The following DRC11 variants were observed in gnomAD, a reference collection of about 807,000 sequenced individuals.
DRC11 encodes the protein dynein regulatory complex subunit 11.
the DRC11 span, chr2:236,391,411 C>G: frequency 6.5e-6 from 1 of 153,554 alleles, no homozygotes; most frequent in African/African-American, 2.4e-5. This position sits in a 1 kb window ranked among gnomAD's most constrained non-coding sequence, Gnocchi z 4.5. Flanking sequence ...AGGGAGAACT[C>G]TCCGCCCTCT....
At chr2:236,459,520 T>TAC in the DRC11 span, among the ~76,000 whole-genome samples, 571 of 113,936 alleles carry the variant, frequency 5.0e-3, 10 homozygotes, top group African/African-American at 0.018. Flanking sequence ...TACGTATACA[T>TAC]GTATACATGT....
At chr2:236,408,305 A>G in the DRC11 span, 63 of 797,908 alleles carry the variant, frequency 7.9e-5, no homozygotes, top group African/African-American at 8.4e-4. This position sits in a 1 kb window ranked among gnomAD's most constrained non-coding sequence, Gnocchi z 5.5. Context: ...GCAGGATGCC[A>G]TGCCCCAATC....
the DRC11 span, among the ~76,000 whole-genome samples, chr2:236,472,973 C>T: frequency 6.6e-6 from 1 of 152,152 alleles, no homozygotes; most frequent in South Asian, 2.1e-4. This position sits in a 1 kb window ranked among gnomAD's most constrained non-coding sequence, Gnocchi z 4.6. Flanking sequence ...CTGCTTCCTT[C>T]CCAGGACATG....
the DRC11 span, among the ~76,000 whole-genome samples, chr2:236,339,048 A>G: frequency 2.4e-3 from 358 of 152,296 alleles, 2 homozygotes; most frequent in African/African-American, 8.1e-3. Context: ...CAGTGCAGAC[A>G]GCAAAGAGGA....
chr2:236,493,750 TTA>T, the DRC11 span: 20 of 1,566,356 alleles, frequency 1.3e-5, no homozygotes, highest in Non-Finnish European at 1.6e-5. Context: ...TTAATGTTTG[TTA>T]AAATGATATA....
At chr2:236,387,024 G>C in the DRC11 span, among the ~76,000 whole-genome samples, 1 of 151,640 alleles carries the variant, frequency 6.6e-6, no homozygotes, top group East Asian at 1.9e-4. Context: ...TGTGGTCTGA[G>C]AGATAGTTTG....
chr2:236,497,015 G>T, the DRC11 span: 1 of 649,954 alleles, frequency 1.5e-6, no homozygotes, highest in Non-Finnish European at 2.6e-6. This position sits in a 1 kb window ranked among gnomAD's most constrained non-coding sequence, Gnocchi z 5.1. Flanking sequence ...TGACAGCATG[G>T]TGTAATTGAA....
the DRC11 span, among the ~76,000 whole-genome samples, chr2:236,424,747 C>T: frequency 1.3e-5 from 2 of 151,932 alleles, no homozygotes; most frequent in South Asian, 2.1e-4. Flanking sequence ...GACAATACAT[C>T]TCCAGAACTT....
At chr2:236,476,298 T>C in the DRC11 span, among the ~76,000 whole-genome samples, 3 of 152,174 alleles carry the variant, frequency 2.0e-5, no homozygotes, top group African/African-American at 7.2e-5. This position sits in a 1 kb window ranked among gnomAD's most constrained non-coding sequence, Gnocchi z 4.7. Flanking sequence ...GTTTAAATTA[T>C]TCCTAGGTGT....
chr2:236,465,389 A>T, the DRC11 span: 1 of 868,716 alleles, frequency 1.2e-6, no homozygotes, highest in South Asian at 1.7e-5. The surrounding 1 kb of genome is among the most constrained non-coding windows in gnomAD (Gnocchi z 6.2). Context: ...ACGTTTCTAA[A>T]ACGAAGCCGA....
chr2:236,378,002 T>C, the DRC11 span, among the ~76,000 whole-genome samples: 1 of 152,210 alleles, frequency 6.6e-6, no homozygotes. Flanking sequence ...TTTCTCTAAG[T>C]TGAGAATTGT....
the DRC11 span, among the ~76,000 whole-genome samples, chr2:236,358,316 T>C: frequency 7.5e-6 from 1 of 133,222 alleles, no homozygotes; most frequent in Non-Finnish European, 1.5e-5. Flanking sequence ...TATAGATATA[T>C]ACTATATGAA....
chr2:236,459,598 TAC>T, the DRC11 span, among the ~76,000 whole-genome samples: 75 of 136,598 alleles, frequency 5.5e-4, no homozygotes, highest in Middle Eastern at 3.8e-3. Flanking sequence ...CGTATACGTA[TAC>T]ATATATACGT....
At chr2:236,345,683 G>A in the DRC11 span, among the ~76,000 whole-genome samples, 1 of 152,200 alleles carries the variant, frequency 6.6e-6, no homozygotes, top group South Asian at 2.1e-4. Context: ...CTGGGCCCAT[G>A]AATAATTGCT....
the DRC11 span, among the ~76,000 whole-genome samples, chr2:236,336,295 A>T: frequency 1.3e-5 from 2 of 152,206 alleles, no homozygotes; most frequent in African/African-American, 4.8e-5. The surrounding 1 kb of genome is among the most constrained non-coding windows in gnomAD (Gnocchi z 7.3). Context: ...CGGAGCAGCA[A>T]CTTACGAACA....
the DRC11 span, among the ~76,000 whole-genome samples, chr2:236,423,885 G>A: frequency 6.6e-6 from 1 of 152,058 alleles, no homozygotes; most frequent in African/African-American, 2.4e-5. Context: ...AAAACGATGA[G>A]TTCATGTCCT....
At chr2:236,462,346 C>T in the DRC11 span, among the ~76,000 whole-genome samples, 1 of 152,068 alleles carries the variant, frequency 6.6e-6, no homozygotes, top group Non-Finnish European at 1.5e-5. The surrounding 1 kb of genome is among the most constrained non-coding windows in gnomAD (Gnocchi z 6.4). Flanking sequence ...CCAGGTGGGC[C>T]GTACCAGTGC....
chr2:236,329,458 A>G, the DRC11 span, among the ~76,000 whole-genome samples: 2 of 152,200 alleles, frequency 1.3e-5, no homozygotes, highest in African/African-American at 4.8e-5. Context: ...TAGACTTACT[A>G]TCATCGTTAT....
chr2:236,337,084 G>A, the DRC11 span, among the ~76,000 whole-genome samples: 1 of 152,116 alleles, frequency 6.6e-6, no homozygotes, highest in Non-Finnish European at 1.5e-5. The surrounding 1 kb of genome is among the most constrained non-coding windows in gnomAD (Gnocchi z 4.9). Context: ...TGCCCACGAC[G>A]GCCAGCAGCA....
Sources: gnomAD v4.1 joint callset for allele counts (sites outside exome capture counted in the v4.1 genomes callset) on GRCh38, gnomAD v4.1.1 for gene constraint, Gnocchi (gnomAD v3.1) non-coding constraint, MANE v1.5 for transcripts, NCBI Gene and HGNC (gene_info 2026-07-23, HGNC 2026-07-21) for gene names.